Variants in PDHX observed in about 807,000 individuals in gnomAD.
PDHX encodes the protein pyruvate dehydrogenase complex component X.
In PDHX, 33 loss-of-function variants were observed where a neutral mutation model predicts 55.3. That is an observed-to-expected ratio of 0.60 (90% CI 0.45 to 0.80). The LOEUF is 0.80. Ranked by LOEUF, PDHX falls within the 30% of genes least tolerant of loss-of-function variation. The pLI is 0.00. For missense variants in PDHX, 622 were observed against 619.9 expected (o/e 1.00, Z -0.04); for synonymous variants, 226 against 219.4 (o/e 1.03, Z -0.27).
chr11:34,955,758 TAC>T (rs1427277054), intron 3 of PDHX, among the ~76,000 whole-genome samples: 1 of 152,168 alleles, frequency 6.6e-6, no homozygotes, highest in African/African-American at 2.4e-5. Flanking sequence ...TCAGATGTAG[TAC>T]AGTTGTCTGA....
chr11:34,953,048 CAG>C (rs1383808818), intron 3 of PDHX, among the ~76,000 whole-genome samples: 1 of 151,994 alleles, frequency 6.6e-6, no homozygotes, highest in Non-Finnish European at 1.5e-5. Context: ...ACACCAATAA[CAG>C]ACAAACAGAG....
chr11:34,980,969 T>C (rs1018248276), intron 8 of PDHX, among the ~76,000 whole-genome samples: 26 of 152,198 alleles, frequency 1.7e-4, no homozygotes, highest in African/African-American at 6.3e-4. Context: ...AGGCAGGGTT[T>C]CCAGGCATTT....
intron 1 of PDHX, among the ~76,000 whole-genome samples, chr11:34,926,083 A>G (rs1039133758): frequency 6.6e-6 from 1 of 152,180 alleles, no homozygotes; most frequent in Non-Finnish European, 1.5e-5. Context: ...TGGTCCATTG[A>G]CATTTTCAGT....
chr11:34,944,530 T>A (rs1019835114), intron 2 of PDHX, among the ~76,000 whole-genome samples: 2 of 152,240 alleles, frequency 1.3e-5, no homozygotes, highest in South Asian at 4.1e-4. Flanking sequence ...AATTTATTTT[T>A]AAAAATAACT....
intron 1 of PDHX, among the ~76,000 whole-genome samples, chr11:34,926,585 C>T (rs2067498423): frequency 6.6e-6 from 1 of 152,092 alleles, no homozygotes; most frequent in African/African-American, 2.4e-5. Flanking sequence ...TTACTTTAGT[C>T]AGAGTAATGG....
intron 1 of PDHX, among the ~76,000 whole-genome samples, chr11:34,926,248 T>G (rs551949992): frequency 3.9e-5 from 6 of 152,342 alleles, no homozygotes; most frequent in African/African-American, 1.4e-4. Flanking sequence ...TACTTTTACT[T>G]TATTCTGCCT....
chr11:34,984,576 C>T lies in PDHX; in HGVS notation c.1030C>T (p.Pro344Ser). Residue 344 changes from proline (P) to serine (S), a missense_variant, in exon 9 of 11, where the codon CCA becomes TCA. Pro to Ser is a moderately conservative substitution (Grantham distance 74). Transcript: ENST00000227868. Reference protein sequence around the residue: ...KAAAVTLKQMPDVNVSWDGEG... With the variant: ...KAAAVTLKQMSDVNVSWDGEG... ...TTTCTTTTTCTATTTCTAGCAAATG[C>T]CAGATGTTAATGTAAGCTGGGATGG... is the stretch of plus-strand genomic sequence containing the variant. The T allele has an allele frequency of 6.2e-7, 1 of 1,613,766 alleles. No homozygotes were observed. Among genetic ancestry groups the T allele is most frequent in the Non-Finnish European group, 8.5e-7 (1 of 1,179,828 alleles).
chr11:34,946,123 T>C (rs554370445), intron 2 of PDHX, among the ~76,000 whole-genome samples: 8 of 152,350 alleles, frequency 5.3e-5, no homozygotes, highest in African/African-American at 1.9e-4. Flanking sequence ...TGTCTGCCTG[T>C]ATGAAATTCT....
chr11:34,950,010 A>T (rs1854718751), intron 3 of PDHX, among the ~76,000 whole-genome samples: 1 of 152,170 alleles, frequency 6.6e-6, no homozygotes, highest in South Asian at 2.1e-4. Flanking sequence ...CAGAATAATT[A>T]TTCTCGGTAC....
intron 3 of PDHX, among the ~76,000 whole-genome samples, chr11:34,952,604 A>G (rs900980145): frequency 3.0e-4 from 45 of 152,006 alleles, no homozygotes; most frequent in East Asian, 7.7e-4. Flanking sequence ...TGATTATCTC[A>G]ATAGATGCCG....
rs1331493546 is a variant in PDHX, at chr11:34,965,730, C to A, written c.642-910C>A. Among the ~76,000 whole-genome samples, 4 of 152,214 alleles carry A rather than the reference C, an allele frequency of 2.6e-5. No individual in the cohort carries two copies. The East Asian group carries it at 5.8e-4, about 22-fold the overall frequency. On this transcript the variant is annotated intron_variant, in intron 5 of 10. Transcript: ENST00000227868. ...CTCAAATATGCTCAACAGGTGCTAG[C>A]TTTTATCTTTCATCAAATTTTTGGA...
upstream of PDHX, chr11:34,916,547 A>G (rs1455578209): frequency 2.7e-6 from 4 of 1,505,598 alleles, no homozygotes; most frequent in East Asian, 7.3e-5. Flanking sequence ...AGTCTGAGAG[A>G]CCTAAAGGCA....
chr11:34,923,950 A>G (rs1355717917), intron 1 of PDHX, among the ~76,000 whole-genome samples: 2 of 152,216 alleles, frequency 1.3e-5, no homozygotes, highest in South Asian at 2.1e-4. Flanking sequence ...TACTTTAGTC[A>G]TGAGAACACT....
At chr11:34,931,812 T>TTG (rs35425265) in intron 2 of PDHX, among the ~76,000 whole-genome samples, 14,904 of 146,004 alleles carry the variant, frequency 0.1, 782 homozygotes, top group South Asian at 0.13. Flanking sequence ...TTTATCATGA[T>TTG]TGTGTGTGTG....
rs182528014 is a variant in PDHX at position 34,929,316 on chromosome 11, C to G, written c.161-2088C>G. On this transcript the variant is annotated intron_variant, in intron 1 of 10. Coordinates refer to ENST00000227868, the MANE Select transcript of PDHX (RefSeq NM_003477.3). ...AGTGATCTTGGCTCACTGCAACCATCTCCTCCCAGATTCGAGTGATTCTCA... is the reference window on the plus strand; with the variant it reads ...AGTGATCTTGGCTCACTGCAACCATGTCCTCCCAGATTCGAGTGATTCTCA... Among the ~76,000 whole-genome samples, 4 of 152,278 alleles carry G rather than the reference C, an allele frequency of 2.6e-5. No homozygotes were observed. In the East Asian group the frequency reaches 7.7e-4, roughly 29 times the overall value.
chr11:34,919,887 A>G (rs527780298), intron 1 of PDHX, among the ~76,000 whole-genome samples: 29 of 152,344 alleles, frequency 1.9e-4, no homozygotes, highest in Admixed American at 1.7e-3. Flanking sequence ...ACATTTAATC[A>G]TACTTAGCTC....
chr11:34,970,366 AAAAGC>A, intron 7 of PDHX, 80 bp downstream of exon 7: 2 of 1,154,574 alleles, frequency 1.7e-6, no homozygotes, highest in Non-Finnish European at 2.5e-6. Flanking sequence ...TTATAAAATT[AAAAGC>A]TACATTGTGT....
intron 3 of PDHX, among the ~76,000 whole-genome samples, chr11:34,949,857 T>G (rs1220520543): frequency 6.6e-6 from 1 of 152,180 alleles, no homozygotes; most frequent in Non-Finnish European, 1.5e-5. Flanking sequence ...AATATATTTA[T>G]TGATAGATTT....
At chr11:34,942,306 T>C (rs1483542670) in intron 2 of PDHX, among the ~76,000 whole-genome samples, 1 of 152,260 alleles carries the variant, frequency 6.6e-6, no homozygotes, top group Admixed American at 6.5e-5. Context: ...TAAATGTGTC[T>C]TGATTCAAAA....
Sources: allele counts gnomAD v4.1 joint callset (sites outside exome capture counted in the v4.1 genomes callset), GRCh38; gene constraint gnomAD v4.1.1; transcripts MANE v1.5; gene names NCBI Gene and HGNC (gene_info 2026-07-23, HGNC 2026-07-21).